FRMD4A: variants seen among roughly 807,000 people sequenced by gnomAD.
FRMD4A encodes FERM domain-containing protein 4A.
Under a neutral mutation model 129.1 loss-of-function variants are expected in FRMD4A, and 29 were observed. That is an observed-to-expected ratio of 0.22 (90% CI 0.17 to 0.31). The LOEUF (loss-of-function observed/expected upper bound fraction) is 0.31, where lower values mean the gene tolerates loss of function less well. FRMD4A is among the 10% of genes least tolerant of loss of function. The pLI, the probability that FRMD4A is intolerant of heterozygous loss-of-function variation, is 1.00. For missense variants in FRMD4A, 1,272 were observed against 1,375.8 expected, an observed-to-expected ratio of 0.92 and a Z score of 1.19; for synonymous variants, 634 against 571.6, an observed-to-expected ratio of 1.11 and a Z score of -1.56.
chr10:13,758,339 T>G (rs2091941603), intron 8 of FRMD4A, among the ~76,000 whole-genome samples: 1 of 152,210 alleles, frequency 6.6e-6, no homozygotes, highest in Admixed American at 6.5e-5. Context: ...AGACCCTGTG[T>G]TATATCTAGA....
At chr10:14,207,686 C>CCACACACA (rs56740311) in intron 2 of FRMD4A, among the ~76,000 whole-genome samples, 1,673 of 145,928 alleles carry the variant, frequency 0.011, 10 homozygotes, top group East Asian at 0.023. Context: ...TCCTAGGTAA[C>CCACACACA]CACACACACA....
At chr10:13,670,955 C>T (rs1299217960) in intron 16 of FRMD4A, among the ~76,000 whole-genome samples, 1 of 152,186 alleles carries the variant, frequency 6.6e-6, no homozygotes, top group Non-Finnish European at 1.5e-5. Context: ...GCTCTTGACA[C>T]TGCATCAAAT....
chr10:14,253,676 G>C (rs907005935), intron 2 of FRMD4A, among the ~76,000 whole-genome samples: 1 of 152,168 alleles, frequency 6.6e-6, no homozygotes, highest in African/African-American at 2.4e-5. Flanking sequence ...TTCTTCACTG[G>C]AGTGTGGCAG....
chr10:13,731,088 A>G (rs913123075), intron 12 of FRMD4A, among the ~76,000 whole-genome samples: 14 of 151,774 alleles, frequency 9.2e-5, no homozygotes, highest in African/African-American at 3.4e-4. Flanking sequence ...ATCACTGCTG[A>G]GCCAAGACAG....
At chr10:13,949,301 C>CAAAAAAAAAAA (rs34006963) in intron 2 of FRMD4A, among the ~76,000 whole-genome samples, 2 of 98,966 alleles carry the variant, frequency 2.0e-5, no homozygotes, top group African/African-American at 4.8e-5. Flanking sequence ...TTCTAGTGAT[C>CAAAAAAAAAAA]AAAAAAAAAA....
intron 2 of FRMD4A, among the ~76,000 whole-genome samples, chr10:14,231,504 G>A (rs771445308): frequency 6.6e-5 from 10 of 152,044 alleles, no homozygotes; most frequent in Admixed American, 2.0e-4. Flanking sequence ...CACCACGCCC[G>A]GCTAATTTTT....
rs1436557862 is a variant in FRMD4A at position 14,078,766 on chromosome 10, G to A, written c.46-219854C>T. ...GCAAAGTTCAAACTCAGGTCTCCTGGCTCCAAGCCCATGTGTTTCCCCTTC... is the reference window on the plus strand; with the variant it reads ...GCAAAGTTCAAACTCAGGTCTCCTGACTCCAAGCCCATGTGTTTCCCCTTC... On this transcript the variant is annotated intron_variant, in intron 2 of 24. Coordinates refer to ENST00000357447, the MANE Select transcript of FRMD4A (RefSeq NM_018027.5). 3.3e-5 allele frequency among the ~76,000 whole-genome samples: 5 copies of A among 152,270 alleles called. No individual in the cohort carries two copies. The South Asian group carries it at 8.3e-4, about 25-fold the overall frequency.
chr10:13,951,929 T>TAATAATAATAATAATAATAATAAA (rs1554984653), intron 2 of FRMD4A, among the ~76,000 whole-genome samples: 16 of 145,966 alleles, frequency 1.1e-4, no homozygotes, highest in East Asian at 2.0e-4. Flanking sequence ...ATAATAATAA[T>TAATAATAATAATAATAATAATAAA]AAACAATCTA....
intron 3 of FRMD4A, among the ~76,000 whole-genome samples, chr10:13,811,988 T>C (rs2093457377): frequency 1.3e-5 from 2 of 151,498 alleles, no homozygotes; most frequent in Non-Finnish European, 2.9e-5. Context: ...GTTCAAGTGA[T>C]TCTCTTGCCT....
intron 2 of FRMD4A, among the ~76,000 whole-genome samples, chr10:14,148,809 T>C (rs1283601116): frequency 6.6e-6 from 1 of 151,904 alleles, no homozygotes; most frequent in Non-Finnish European, 1.5e-5. Context: ...TCCTCCACCC[T>C]GTTTCCAGGA....
chr10:13,674,842 T>G, intron 16 of FRMD4A, 69 bp downstream of exon 16: 6 of 1,493,578 alleles, frequency 4.0e-6, no homozygotes, highest in Non-Finnish European at 5.6e-6. Flanking sequence ...AAAGATCAAA[T>G]GACATCAGAA....
chr10:14,113,559 G>T (rs1015232413), intron 2 of FRMD4A, among the ~76,000 whole-genome samples: 1 of 152,084 alleles, frequency 6.6e-6, no homozygotes, highest in African/African-American at 2.4e-5. Flanking sequence ...GTTAAATTCT[G>T]GGGGACTCAG....
At chr10:13,954,853 C>T (rs1243870996) in intron 2 of FRMD4A, among the ~76,000 whole-genome samples, 1 of 152,196 alleles carries the variant, frequency 6.6e-6, no homozygotes, top group Non-Finnish European at 1.5e-5. Context: ...TCTCAAACCC[C>T]TCTCTCATGT....
At chr10:13,795,976 A>G (rs930768316) in intron 5 of FRMD4A, among the ~76,000 whole-genome samples, 1 of 152,104 alleles carries the variant, frequency 6.6e-6, no homozygotes, top group African/African-American at 2.4e-5. Flanking sequence ...AAAAATGCCT[A>G]TTGTTTCTGA....
At chr10:14,229,221 A>T (rs1843554939) in intron 2 of FRMD4A, among the ~76,000 whole-genome samples, 2 of 152,106 alleles carry the variant, frequency 1.3e-5, no homozygotes, top group African/African-American at 4.8e-5. Context: ...AATTTTTTTA[A>T]AAACCTACTT....
At chr10:14,255,008 G>A (rs1216718161) in intron 2 of FRMD4A, among the ~76,000 whole-genome samples, 1 of 152,120 alleles carries the variant, frequency 6.6e-6, no homozygotes, top group East Asian at 1.9e-4. Context: ...CATCTGGCTT[G>A]TAACCCATCA....
intron 2 of FRMD4A, among the ~76,000 whole-genome samples, chr10:14,231,350 T>G (rs1843632474): frequency 6.6e-6 from 1 of 151,926 alleles, no homozygotes; most frequent in Non-Finnish European, 1.5e-5. Flanking sequence ...ATTGTGGTTT[T>G]TTTTTTTTTT....
At chr10:14,232,994 A>G (rs948012934) in intron 2 of FRMD4A, among the ~76,000 whole-genome samples, 1 of 152,214 alleles carries the variant, frequency 6.6e-6, no homozygotes. Context: ...GGAAAAAAAA[A>G]TACAGACTTT....
chr10:13,872,914 A>T (rs7916623), intron 2 of FRMD4A, among the ~76,000 whole-genome samples: 1 of 152,156 alleles, frequency 6.6e-6, no homozygotes, highest in Admixed American at 6.5e-5. Context: ...GAGCCTGGGC[A>T]CAGTGACTCA....
Sources: allele counts gnomAD v4.1 joint callset (sites outside exome capture counted in the v4.1 genomes callset), GRCh38; gene constraint gnomAD v4.1.1; transcripts MANE v1.5; gene names NCBI Gene and HGNC (gene_info 2026-07-23, HGNC 2026-07-21).